SLC22A5: variants seen among roughly 807,000 people sequenced by gnomAD.
SLC22A5 encodes the protein solute carrier family 22 member 5, also known as organic cation/carnitine transporter 2.
A neutral mutation model predicts 56.7 loss-of-function variants in SLC22A5; 44 were observed. The observed-to-expected ratio is 0.78, with a 90% CI of 0.61 to 1.00. SLC22A5 has a LOEUF of 1.00. SLC22A5 is among the 50% of genes least tolerant of loss of function. The probability of loss-of-function intolerance (pLI) is 0.00; values close to 1 mark genes in which losing one functional copy is unlikely to be tolerated. For missense variants in SLC22A5, 675 were observed against 723.0 expected, an observed-to-expected ratio of 0.93 and a Z score of 0.76; for synonymous variants, 278 against 292.1, an observed-to-expected ratio of 0.95 and a Z score of 0.49.
chr5:132,370,304 A>G lies in SLC22A5; in HGVS notation c.332A>G (p.Glu111Gly). ...GTGGACCTGGGGCAGCTGGAGCAGG[A>G]GAGCTGTCTGGATGGCTGGGAGTTC... Reference protein sequence around the residue: ...RDVDLGQLEQESCLDGWEFSQ... With the variant: ...RDVDLGQLEQGSCLDGWEFSQ... The change falls in exon 1 of 10, where the codon GAG becomes GGG. Residue 111 changes from glutamate to glycine, a missense_variant. Transcript: ENST00000245407. The G allele has an allele frequency of 2.5e-6, 4 of 1,610,952 alleles. No individual in the cohort carries two copies. The highest frequency in any genetic ancestry group is 3.4e-6 in the Non-Finnish European group (4 of 1,179,170).
chr5:132,373,611 G>A (rs760553199), intron 1 of SLC22A5, among the ~76,000 whole-genome samples: 4 of 152,090 alleles, frequency 2.6e-5, no homozygotes, highest in Non-Finnish European at 4.4e-5. Flanking sequence ...ACTCTAGCCT[G>A]GGCGACAAAG....
intron 2 of SLC22A5, chr5:132,383,263 C>A (rs1752408052): frequency 1.3e-5 from 2 of 152,282 alleles, no homozygotes; most frequent in African/African-American, 4.8e-5. Flanking sequence ...AATATGCATC[C>A]TTGACACAAA....
rs1182348785 is a variant in SLC22A5 at position 132,393,725 on chromosome 5, C to A, written c.1500C>A (p.Ile500=). 6.2e-7 allele frequency: 1 copy of A among 1,614,150 alleles called. No individual in the cohort carries two copies. The highest frequency in any genetic ancestry group is 8.5e-7 in the Non-Finnish European group (1 of 1,179,996). ...LPYILMGSLT[I]LTAILTLFLP... is the part of the protein sequence containing the mutation. ...ACATTCTCATGGGAAGTCTGACCAT[C>A]CTGACAGCCATCCTCACCTTGTTTC... The change falls in exon 9 of 10, where the codon ATC becomes ATA. Residue 500 remains isoleucine, a synonymous_variant. Coordinates refer to ENST00000245407, the MANE Select transcript of SLC22A5 (RefSeq NM_003060.4).
intron 1 of SLC22A5, among the ~76,000 whole-genome samples, chr5:132,374,815 G>A (rs1405986042): frequency 6.6e-6 from 1 of 151,986 alleles, no homozygotes; most frequent in Non-Finnish European, 1.5e-5. Context: ...CAGGGCTTTG[G>A]GAGGCCAAGG....
rs2126793540 is a variant in SLC22A5 at position 132,394,457 on chromosome 5, T to C, written c.*185T>C. The C allele has an allele frequency of 1.6e-6, 1 of 634,350 alleles. No homozygotes were observed. The highest frequency in any genetic ancestry group is 2.7e-5 in the East Asian group (1 of 36,896). 39.3% of individuals were successfully genotyped at this position (634,350 alleles called of 1,614,324 possible). On this transcript the variant is annotated 3_prime_UTR_variant, in exon 10 of 10. Coordinates refer to ENST00000245407, the MANE Select transcript of SLC22A5 (RefSeq NM_003060.4). ...CTACATATGGCCCTAGAGCACCACC[T>C]TCCTCTAGGGACACTGGGGCTACCT...
chr5:132,385,560 T>C lies in SLC22A5; in HGVS notation c.824+61T>C. ...AGGATGATTTCTGTCTGGCCTTCAC[T>C]AGAGGGCAGCAACAACCCATGAATC... On this transcript the variant is annotated intron_variant, in intron 4 of 9. Coordinates refer to ENST00000245407, the MANE Select transcript of SLC22A5 (RefSeq NM_003060.4). 2.1e-6 allele frequency: 3 copies of C among 1,401,464 alleles called. No individual in the cohort carries two copies. The South Asian group carries it at 3.5e-5, about 16-fold the overall frequency. The allele number at this position is 1,401,464 out of a possible 1,614,324, so 86.8% of individuals were successfully genotyped here.
chr5:132,374,219 CAA>C (rs149958810), intron 1 of SLC22A5, among the ~76,000 whole-genome samples: 3 of 139,566 alleles, frequency 2.1e-5, no homozygotes, highest in African/African-American at 2.6e-5. Context: ...GACTCCGTCT[CAA>C]AAAAAAAAAA....
chr5:132,372,199 C>A (rs1053797481), intron 1 of SLC22A5, among the ~76,000 whole-genome samples: 1 of 152,122 alleles, frequency 6.6e-6, no homozygotes, highest in Non-Finnish European at 1.5e-5. Context: ...GAAATTGGAA[C>A]CTTCAGTTGC....
rs1752734250 is a variant in SLC22A5, at chr5:132,392,451, C to T, written c.1286C>T (p.Thr429Ile). The T allele has an allele frequency of 6.2e-7, 1 of 1,614,220 alleles. No individual in the cohort carries two copies. Among genetic ancestry groups the T allele is most frequent in the Non-Finnish European group, 8.5e-7 (1 of 1,180,024 alleles). ...LVPPDLYYLA[T>I]VLVMVGKFGV... is the part of the protein sequence containing the mutation. Reference sequence around the variant, plus strand: ...TCTCCAGACTTGTATTATTTGGCTACAGTCCTGGTGATGGTGGGCAAGTTT... The same window carrying T: ...TCTCCAGACTTGTATTATTTGGCTATAGTCCTGGTGATGGTGGGCAAGTTT... The change falls in exon 8 of 10, where the codon ACA becomes ATA. Residue 429 changes from threonine (T) to isoleucine (I), a missense_variant. Transcript: ENST00000245407.
chr5:132,386,519 C>G (rs1752536368), intron 4 of SLC22A5, among the ~76,000 whole-genome samples: 1 of 152,218 alleles, frequency 6.6e-6, no homozygotes, highest in Admixed American at 6.5e-5. Flanking sequence ...GAGTGAACCA[C>G]TGCACCTGGC....
intron 9 of SLC22A5, 26 bp from the exon 10 acceptor site, chr5:132,394,159 T>C: frequency 6.9e-7 from 1 of 1,444,304 alleles, no homozygotes; most frequent in Non-Finnish European, 9.8e-7. Flanking sequence ...AATGTGTTAC[T>C]GACATATTTT....
intron 1 of SLC22A5, among the ~76,000 whole-genome samples, chr5:132,374,958 G>C (rs1752082795): frequency 6.6e-6 from 1 of 152,162 alleles, no homozygotes; most frequent in South Asian, 2.1e-4. Context: ...GGAGGCTGAG[G>C]CATGAGAATC....
At chr5:132,377,671 T>C (rs1580877163) in intron 1 of SLC22A5, 2 of 166,464 alleles carry the variant, frequency 1.2e-5, no homozygotes, top group Middle Eastern at 3.2e-3. Context: ...ATCCCTGTTT[T>C]ACAAATGGGG....
intron 8 of SLC22A5, among the ~76,000 whole-genome samples, chr5:132,393,446 C>G (rs1752775079): frequency 6.6e-6 from 1 of 152,208 alleles, no homozygotes; most frequent in Admixed American, 6.5e-5. Flanking sequence ...CCCCTTTGTA[C>G]TCCTCCCCTG....
intron 1 of SLC22A5, chr5:132,377,938 C>A (rs1325991474): frequency 3.2e-6 from 2 of 632,212 alleles, no homozygotes; most frequent in Non-Finnish European, 5.4e-6. Context: ...TAGTTTCTTG[C>A]TGGATGCTTT....
chr5:132,371,884 G>T (rs1301272800), intron 1 of SLC22A5, among the ~76,000 whole-genome samples: 1 of 152,152 alleles, frequency 6.6e-6, no homozygotes, highest in Admixed American at 6.5e-5. Context: ...CCTCAGAGGG[G>T]CTTACAGGGG....
intron 6 of SLC22A5, 40 bp from the exon 7 acceptor site, chr5:132,390,650 G>C (rs1561575040): frequency 7.1e-7 from 1 of 1,400,068 alleles, no homozygotes; most frequent in East Asian, 2.3e-5. Flanking sequence ...GGAAAGATGT[G>C]GATACTGCTT....
At chr5:132,391,465 T>G (rs1752699443) in intron 7 of SLC22A5, among the ~76,000 whole-genome samples, 1 of 152,130 alleles carries the variant, frequency 6.6e-6, no homozygotes, top group South Asian at 2.1e-4. Flanking sequence ...TAGTCACAGA[T>G]AGTGTCCCTG....
In SLC22A5 at chr5:132,393,812, G is replaced by T. The variant is rs386134226; in HGVS notation, c.1586+1G>T. The T allele has an allele frequency of 8.1e-6, 13 of 1,614,170 alleles. No homozygotes were observed. Among genetic ancestry groups the T allele is most frequent in the African/African-American group, 1.3e-5 (1 of 75,042 alleles). The stretch of plus-strand genomic sequence containing the variant: ...TTGACCAGATGCTAAGAGTCAAAGG[G>T]TAAGAAGACCTCCTCTGTCAGTGTT... On this transcript the variant is annotated splice_donor_variant, in intron 9 of 9. Coordinates refer to ENST00000245407, the MANE Select transcript of SLC22A5 (RefSeq NM_003060.4). LOFTEE classifies it high-confidence loss of function.
Sources: gnomAD v4.1 joint callset for allele counts (sites outside exome capture counted in the v4.1 genomes callset) on GRCh38, gnomAD v4.1.1 for gene constraint, MANE v1.5 for transcripts, NCBI Gene and HGNC (gene_info 2026-07-23, HGNC 2026-07-21) for gene names.